The following ZFP69 variants were observed in gnomAD, a reference collection of about 807,000 sequenced individuals.
ZFP69 encodes zinc finger protein 69 homolog.
ZFP69 carries 35 observed loss-of-function variants against 48.9 expected under a neutral mutation model. That is an observed-to-expected ratio of 0.72 (90% CI 0.55 to 0.95). ZFP69 has a LOEUF of 0.95. Ranked by LOEUF, ZFP69 falls within the 40% of genes least tolerant of loss-of-function variation. ZFP69 has a pLI of 0.00. For synonymous variants in ZFP69, 193 were observed against 216.8 expected, an observed-to-expected ratio of 0.89 and a Z score of 0.96; for missense variants, 557 against 638.4, an observed-to-expected ratio of 0.87 and a Z score of 1.37.
In ZFP69 at chr1:40,492,925, A is replaced by G. The variant is rs578246826; in HGVS notation, c.443-1996A>G. Among the ~76,000 whole-genome samples the G allele has an allele frequency of 9.1e-4, 138 of 152,094 alleles. 3 individuals carry two copies. The highest frequency in any genetic ancestry group is 3.4e-3 in the Middle Eastern group (1 of 294). On this transcript the variant is annotated intron_variant, in intron 5 of 5. Coordinates refer to ENST00000372706, the MANE Select transcript of ZFP69 (RefSeq NM_001320179.2). ...CTCAGTCGTGAACAGGTATATTTTT[A>G]AAGAAAGATTATGTTGCTGGCCAGG...
chr1:40,479,328 A>T lies in ZFP69; in HGVS notation c.-34A>T, dbSNP rs922153146. On this transcript the variant is annotated 5_prime_UTR_variant, in exon 2 of 6. Coordinates refer to ENST00000372706, the MANE Select transcript of ZFP69 (RefSeq NM_001320179.2). ...ATCAAGAGCTTCTGGCAATTTCCTC[A>T]CCAGAAGTGGACAAGTCCAGTAAGG... 4 of 1,611,514 alleles carry T rather than the reference A, an allele frequency of 2.5e-6. No homozygotes were observed. The highest frequency in any genetic ancestry group is 3.4e-6 in the Non-Finnish European group (4 of 1,178,974).
chr1:40,495,443 C>G lies in ZFP69; in HGVS notation c.965C>G (p.Thr322Ser). 1 of 1,614,210 alleles carries G rather than the reference C, an allele frequency of 6.2e-7. No individual in the cohort carries two copies. Among genetic ancestry groups the G allele is most frequent in the Middle Eastern group, 1.6e-4 (1 of 6,062 alleles). Residue 322 changes from threonine (T) to serine (S), a missense_variant, in exon 6 of 6, where the codon ACT becomes AGT. Coordinates refer to ENST00000372706, the MANE Select transcript of ZFP69 (RefSeq NM_001320179.2). ...CTCAGTACACACCAGAGAATCCATACTGGTGAGAAACCCTTTGAATGTGAG... is the reference window on the plus strand; with the variant it reads ...CTCAGTACACACCAGAGAATCCATAGTGGTGAGAAACCCTTTGAATGTGAG... Reference protein sequence around the residue: ...ASLSTHQRIHTGEKPFECEEC... With the variant: ...ASLSTHQRIHSGEKPFECEEC...
Position 40,495,554 on chromosome 1 carries a change from A to C in ZFP69, c.1076A>C (p.Lys359Thr), listed in dbSNP as rs1357430627. 2 of 1,614,258 alleles carry C rather than the reference A, an allele frequency of 1.2e-6. No homozygotes were observed. Among genetic ancestry groups the C allele is most frequent in the Non-Finnish European group, 1.7e-6 (2 of 1,180,048 alleles). ...GGGGAGAAACCCTATGTATGTGATA[A>C]ATGTCAGAAAGCTTTCAGCCAGAAC... Reference protein sequence around the residue: ...HTGEKPYVCDKCQKAFSQNIS... With the variant: ...HTGEKPYVCDTCQKAFSQNIS... Residue 359 changes from lysine (K) to threonine (T), a missense_variant, in exon 6 of 6, where the codon AAA becomes ACA. Coordinates refer to ENST00000372706, the MANE Select transcript of ZFP69 (RefSeq NM_001320179.2).
intron 3 of ZFP69, among the ~76,000 whole-genome samples, chr1:40,488,651 C>T (rs537875297): frequency 3.9e-4 from 60 of 152,332 alleles, no homozygotes; most frequent in African/African-American, 1.4e-3. Context: ...CACCTTAGGT[C>T]CTTTGCACCT....
At chr1:40,492,774 T>C (rs1032636541) in intron 5 of ZFP69, among the ~76,000 whole-genome samples, 1 of 152,206 alleles carries the variant, frequency 6.6e-6, no homozygotes, top group African/African-American at 2.4e-5. Context: ...TTTCCTAATT[T>C]TTTTCAGTAA....
intron 2 of ZFP69, among the ~76,000 whole-genome samples, chr1:40,481,421 G>A (rs913927778): frequency 5.9e-5 from 9 of 152,126 alleles, no homozygotes; most frequent in African/African-American, 4.8e-5. Context: ...GAACCTTTGA[G>A]GATTTTTGAA....
chr1:40,488,990 T>C, intron 3 of ZFP69, 98 bp from the exon 4 acceptor site: 2 of 1,493,108 alleles, frequency 1.3e-6, no homozygotes, highest in Non-Finnish European at 1.8e-6. Flanking sequence ...CTGATAAAAG[T>C]AAGTTTAGAA....
chr1:40,487,549 A>G (rs1645514244), intron 3 of ZFP69, among the ~76,000 whole-genome samples: 1 of 152,214 alleles, frequency 6.6e-6, no homozygotes, highest in Non-Finnish European at 1.5e-5. Flanking sequence ...AATGTAAACA[A>G]ATGTAAAGAT....
intron 4 of ZFP69, 97 bp from the exon 5 acceptor site, chr1:40,489,432 T>A: frequency 8.1e-7 from 1 of 1,227,974 alleles, no homozygotes; most frequent in Non-Finnish European, 1.2e-6. Context: ...CCCTTTCCAC[T>A]TGTGGAGACC....
chr1:40,488,955 C>T (rs945644020), intron 3 of ZFP69, 133 bp from the exon 4 acceptor site: 4 of 1,074,004 alleles, frequency 3.7e-6, no homozygotes, highest in Non-Finnish European at 5.5e-6. Context: ...ATCAGAGGAT[C>T]TCCAAACAGA....
chr1:40,479,151 G>GA lies in ZFP69; in HGVS notation c.-211_-210insA. 1.9e-6 allele frequency: 1 copy of GA among 531,900 alleles called. No homozygotes were observed. Among genetic ancestry groups the GA allele is most frequent in the Non-Finnish European group, 3.3e-6 (1 of 299,276 alleles). 32.9% of individuals were successfully genotyped at this position (531,900 alleles called of 1,614,324 possible). On this transcript the variant is annotated 5_prime_UTR_variant, in exon 2 of 6. In the 5' UTR this introduces an upstream ATG that the reference lacks. Transcript: ENST00000372706. Reference sequence around the variant, plus strand: ...ACTAACTGGCTGCCTCCCAAAGAAAGTGCTTGATTTAAAGGGGAGTTTGTT... The same window carrying GA: ...ACTAACTGGCTGCCTCCCAAAGAAAGATGCTTGATTTAAAGGGGAGTTTGTT...
intron 5 of ZFP69, among the ~76,000 whole-genome samples, chr1:40,491,961 T>C (rs1022133991): frequency 6.6e-6 from 1 of 152,268 alleles, no homozygotes; most frequent in Middle Eastern, 3.4e-3. Flanking sequence ...ACTGAATTTA[T>C]CAGGATTTTC....
At chr1:40,491,763 A>ATGTGTG (rs1553129549) in intron 5 of ZFP69, among the ~76,000 whole-genome samples, 3 of 129,400 alleles carry the variant, frequency 2.3e-5, no homozygotes, top group African/African-American at 5.7e-5. Flanking sequence ...GTGTGTGTGT[A>ATGTGTG]TGTGTGTGTG....
chr1:40,489,443 C>A, intron 4 of ZFP69, 86 bp from the exon 5 acceptor site: 1 of 1,305,180 alleles, frequency 7.7e-7, no homozygotes, highest in Non-Finnish European at 1.1e-6. Flanking sequence ...TGTGGAGACC[C>A]TGAATACCAG....
intron 3 of ZFP69, among the ~76,000 whole-genome samples, chr1:40,484,009 G>A (rs180919432): frequency 3.4e-4 from 52 of 152,212 alleles, no homozygotes; most frequent in Non-Finnish European, 6.0e-4. Context: ...CCGGGAGGCG[G>A]AGGTTGCATG....
At position 40,495,911 on chromosome 1, in the gene ZFP69, A is replaced by G. The variant is rs376696045; in HGVS notation, c.1433A>G (p.His478Arg). 3.1e-6 allele frequency: 5 copies of G among 1,614,226 alleles called. No individual in the cohort carries two copies. The highest frequency in any genetic ancestry group is 4.2e-6 in the Non-Finnish European group (5 of 1,180,050). The part of the protein sequence containing the change: ...ECNRCGKAYR[H>R]DSSFKKHQRH... ...AACCGCTGTGGAAAAGCCTATAGGC[A>G]TGATTCATCCTTTAAAAAACATCAG... Residue 478 changes from histidine (H) to arginine (R), a missense_variant, in exon 6 of 6, where the codon CAT (histidine) becomes CGT (arginine). Physicochemically the swap from His to Arg is conservative, Grantham distance 29. Transcript: ENST00000372706.
intron 3 of ZFP69, among the ~76,000 whole-genome samples, chr1:40,487,368 C>CA (rs1485361527): frequency 1.7e-4 from 25 of 151,488 alleles, no homozygotes; most frequent in Non-Finnish European, 2.9e-4. Context: ...CTAGGAGTAT[C>CA]AAAAAAATTA....
intron 5 of ZFP69, among the ~76,000 whole-genome samples, chr1:40,492,169 G>A (rs1645576404): frequency 6.6e-6 from 1 of 152,024 alleles, no homozygotes; most frequent in South Asian, 2.1e-4. Flanking sequence ...ATGCTGCTGT[G>A]CCCTGCTATC....
At position 40,495,126 on chromosome 1, in the gene ZFP69, TAAG is replaced by T. The variant is rs1351799514; in HGVS notation, c.653_655del (p.Lys218del). On this transcript the variant is annotated inframe_deletion, in exon 6 of 6. Transcript: ENST00000372706. ...ATGTGAGACAAGCCATCTTGACCCA[TAAG>T]AAGAGAGTCCAAGAAACTAACAAAT... 1.9e-6 allele frequency: 3 copies of T among 1,613,930 alleles called. No homozygotes were observed. The highest frequency in any genetic ancestry group is 2.5e-6 in the Non-Finnish European group (3 of 1,180,004).
Sources: gnomAD v4.1 joint callset for allele counts (sites outside exome capture counted in the v4.1 genomes callset) on GRCh38, gnomAD v4.1.1 for gene constraint, MANE v1.5 for transcripts, NCBI Gene and HGNC (gene_info 2026-07-23, HGNC 2026-07-21) for gene names.